The following DPYD variants were observed in gnomAD, a reference collection of about 807,000 sequenced individuals.
DPYD encodes the protein dihydropyrimidine dehydrogenase [NADP(+)].
DPYD carries 109 observed loss-of-function variants against 116.2 expected under a neutral mutation model. The ratio of observed to expected loss-of-function variants is 0.94; its 90% CI spans 0.80 to 1.10. DPYD has a LOEUF of 1.10. Ranked by LOEUF, DPYD falls within the 50% of genes least tolerant of loss-of-function variation. The pLI is 0.00. For missense variants in DPYD, 1,302 were observed against 1,254.5 expected, an observed-to-expected ratio of 1.04 and a Z score of -0.57; for synonymous variants, 440 against 432.0, an observed-to-expected ratio of 1.02 and a Z score of -0.23.
At chr1:97,880,276 G>A (rs1672137768) in intron 2 of DPYD, among the ~76,000 whole-genome samples, 1 of 151,802 alleles carries the variant, frequency 6.6e-6, no homozygotes, top group African/African-American at 2.4e-5. Context: ...AGATGTCAGT[G>A]AGGTAAGAAG....
At position 97,693,215 on chromosome 1, in the gene DPYD, C is replaced by T. The variant is rs189661001; in HGVS notation, c.681-1417G>A. ...CTGAGGCAGGAGAATAGTGTGAACC[C>T]GGGAGGTGGAGCTTGCAGTGAGCCA... is the stretch of plus-strand genomic sequence containing the variant. On this transcript the variant is annotated intron_variant, in intron 6 of 22. Coordinates refer to ENST00000370192, the MANE Select transcript of DPYD (RefSeq NM_000110.4). Among the ~76,000 whole-genome samples, 15 of 135,252 alleles carry T rather than the reference C, an allele frequency of 1.1e-4. No individual in the cohort carries two copies. In the East Asian group the frequency reaches 3.4e-3, roughly 31 times the overall value. The allele number at this position is 135,252 out of a possible 152,430, so 88.7% of individuals were successfully genotyped here.
intron 3 of DPYD, among the ~76,000 whole-genome samples, chr1:97,825,911 G>A (rs2101471105): frequency 6.6e-6 from 1 of 152,198 alleles, no homozygotes; most frequent in African/African-American, 2.4e-5. Context: ...TTCACCTCAA[G>A]CATATTCCGA....
At chr1:97,312,517 T>C (rs933925244) in intron 16 of DPYD, among the ~76,000 whole-genome samples, 1 of 151,752 alleles carries the variant, frequency 6.6e-6, no homozygotes, top group African/African-American at 2.4e-5. Context: ...TAAATGTCAA[T>C]ATGGGAAGAT....
chr1:97,425,311 C>T (rs544984772), intron 14 of DPYD, among the ~76,000 whole-genome samples: 4 of 152,038 alleles, frequency 2.6e-5, no homozygotes, highest in African/African-American at 9.6e-5. Flanking sequence ...CAATGATTTG[C>T]CTATTTAGAA....
intron 20 of DPYD, among the ~76,000 whole-genome samples, chr1:97,163,908 A>G (rs1364833322): frequency 6.6e-6 from 1 of 152,198 alleles, no homozygotes; most frequent in Non-Finnish European, 1.5e-5. Context: ...GTATTCACTT[A>G]TTTTTGGTTC....
At chr1:97,695,568 T>A (rs1219911635) in intron 6 of DPYD, among the ~76,000 whole-genome samples, 1 of 151,160 alleles carries the variant, frequency 6.6e-6, no homozygotes, top group East Asian at 2.0e-4. Flanking sequence ...CCAGAAATAA[T>A]GACCAGCACA....
chr1:97,555,580 A>G (rs544288636), intron 11 of DPYD, among the ~76,000 whole-genome samples: 1 of 152,028 alleles, frequency 6.6e-6, no homozygotes, highest in African/African-American at 2.4e-5. Flanking sequence ...CAAAACTTCT[A>G]TAGACTTGAC....
intron 5 of DPYD, among the ~76,000 whole-genome samples, chr1:97,701,204 T>G (rs1327479739): frequency 6.8e-6 from 1 of 147,998 alleles, no homozygotes; most frequent in Non-Finnish European, 1.5e-5. Flanking sequence ...ATATTATATA[T>G]ATATATGAAA....
intron 8 of DPYD, among the ~76,000 whole-genome samples, chr1:97,636,141 T>C (rs1390757906): frequency 6.6e-6 from 1 of 152,008 alleles, no homozygotes; most frequent in Non-Finnish European, 1.5e-5. Context: ...ATAATTTCTA[T>C]TAAAAAAAAA....
chr1:97,302,927 G>A (rs1480960369), intron 18 of DPYD, among the ~76,000 whole-genome samples: 1 of 151,846 alleles, frequency 6.6e-6, no homozygotes, highest in Non-Finnish European at 1.5e-5. Flanking sequence ...TACTTATATC[G>A]GAAATAATTC....
chr1:97,409,588 C>G (rs1673861732), intron 14 of DPYD, among the ~76,000 whole-genome samples: 1 of 152,196 alleles, frequency 6.6e-6, no homozygotes, highest in Non-Finnish European at 1.5e-5. Context: ...ACAACTTACT[C>G]TTTTCCAACT....
intron 13 of DPYD, among the ~76,000 whole-genome samples, chr1:97,455,762 A>G (rs887654042): frequency 3.3e-5 from 5 of 151,958 alleles, no homozygotes; most frequent in South Asian, 2.1e-4. Context: ...CCTCCACAAA[A>G]TAAACTTTAT....
At chr1:97,774,977 T>A (rs1666321170) in intron 3 of DPYD, 1 of 326,896 alleles carries the variant, frequency 3.1e-6, no homozygotes, top group Non-Finnish European at 6.5e-6. Context: ...CAAACTGGAG[T>A]AGGGACAAAA....
intron 16 of DPYD, among the ~76,000 whole-genome samples, chr1:97,365,109 C>T (rs1481692225): frequency 1.3e-5 from 2 of 152,198 alleles, no homozygotes; most frequent in African/African-American, 4.8e-5. Flanking sequence ...GTTGGCTCTA[C>T]TCTCAGCCGC....
At chr1:97,687,206 G>T (rs963915255) in intron 7 of DPYD, among the ~76,000 whole-genome samples, 1 of 152,138 alleles carries the variant, frequency 6.6e-6, no homozygotes, top group Admixed American at 6.5e-5. Context: ...AGGAGGTAGA[G>T]GTTGAAGTGA....
At chr1:97,386,884 ATATT>A (rs1672378453) in intron 14 of DPYD, among the ~76,000 whole-genome samples, 1 of 151,994 alleles carries the variant, frequency 6.6e-6, no homozygotes, top group African/African-American at 2.4e-5. Flanking sequence ...ACATAATTTA[ATATT>A]TATTTGATAA....
intron 20 of DPYD, among the ~76,000 whole-genome samples, chr1:97,148,201 A>G (rs1654767771): frequency 6.9e-6 from 1 of 144,258 alleles, no homozygotes; most frequent in Non-Finnish European, 1.5e-5. Flanking sequence ...ATATCCCTCC[A>G]TTGCCCATGT....
intron 20 of DPYD, among the ~76,000 whole-genome samples, chr1:97,177,909 C>T (rs1006944854): frequency 6.6e-6 from 1 of 151,986 alleles, no homozygotes; most frequent in Non-Finnish European, 1.5e-5. Flanking sequence ...CTGGGGGCGG[C>T]CTGCTTCCAT....
At chr1:97,358,223 C>T (rs913007280) in intron 16 of DPYD, among the ~76,000 whole-genome samples, 3 of 152,190 alleles carry the variant, frequency 2.0e-5, no homozygotes, top group Non-Finnish European at 4.4e-5. Context: ...TGAGATCAAC[C>T]TATGAGGCAG....
Sources: gnomAD v4.1 joint callset for allele counts (sites outside exome capture counted in the v4.1 genomes callset) on GRCh38, gnomAD v4.1.1 for gene constraint, MANE v1.5 for transcripts, NCBI Gene and HGNC (gene_info 2026-07-23, HGNC 2026-07-21) for gene names.